The following HAT1 variants were observed in gnomAD, a reference collection of about 807,000 sequenced individuals.
The protein encoded by HAT1 is histone acetyltransferase type B catalytic subunit.
A neutral mutation model predicts 56.6 loss-of-function variants in HAT1; 20 were observed. The ratio of observed to expected loss-of-function variants is 0.35; its 90% confidence interval spans 0.25 to 0.51. The LOEUF (loss-of-function observed/expected upper bound fraction) is 0.51. Ranked by LOEUF, HAT1 falls within the 20% of genes least tolerant of loss-of-function variation. The pLI is 0.95. For missense variants in HAT1, 408 were observed against 504.3 expected (o/e 0.81, Z 1.83); for synonymous variants, 146 against 165.5 (o/e 0.88, Z 0.91).
chr2:171,927,025 T>G (rs1686616401), intron 2 of HAT1, among the ~76,000 whole-genome samples: 1 of 152,190 alleles, frequency 6.6e-6, no homozygotes, highest in Admixed American at 6.5e-5. Flanking sequence ...TTGTGCTAAG[T>G]GAAAGAAACT....
intron 2 of HAT1, among the ~76,000 whole-genome samples, chr2:171,926,721 G>A (rs1310825560): frequency 2.6e-5 from 4 of 152,184 alleles, no homozygotes; most frequent in Non-Finnish European, 5.9e-5. Context: ...GAGCCACAGC[G>A]CCCCTCCTGG....
At chr2:171,970,095 G>C (rs558351484) in intron 8 of HAT1, among the ~76,000 whole-genome samples, 2 of 152,242 alleles carry the variant, frequency 1.3e-5, no homozygotes, top group East Asian at 3.9e-4. Flanking sequence ...AGGAGGTCAA[G>C]GCTGCAGTGA....
chr2:171,964,236 C>T (rs1362505670), intron 4 of HAT1, among the ~76,000 whole-genome samples: 1 of 152,160 alleles, frequency 6.6e-6, no homozygotes, highest in Non-Finnish European at 1.5e-5. Flanking sequence ...TGCTAAGTAG[C>T]AAGGGTCTTG....
At chr2:171,948,261 G>A (rs1352825721) in intron 3 of HAT1, among the ~76,000 whole-genome samples, 2 of 152,148 alleles carry the variant, frequency 1.3e-5, no homozygotes, top group Non-Finnish European at 2.9e-5. Flanking sequence ...GTCTCGCGTT[G>A]TTGCCCAGGC....
intron 3 of HAT1, among the ~76,000 whole-genome samples, chr2:171,949,369 T>G (rs1687247757): frequency 6.6e-6 from 1 of 151,990 alleles, no homozygotes; most frequent in African/African-American, 2.4e-5. Context: ...TGTACCACCA[T>G]ACCCAGCTAA....
At chr2:171,954,002 T>A (rs1340291681) in intron 4 of HAT1, among the ~76,000 whole-genome samples, 2 of 151,720 alleles carry the variant, frequency 1.3e-5, no homozygotes, top group African/African-American at 4.8e-5. Flanking sequence ...CAAAAAAAAA[T>A]TAATTAATTA....
chr2:171,963,997 A>G (rs1687632151), intron 4 of HAT1, among the ~76,000 whole-genome samples: 1 of 152,192 alleles, frequency 6.6e-6, no homozygotes, highest in Non-Finnish European at 1.5e-5. Flanking sequence ...CAAATTATAT[A>G]TAAATGTTGG....
At chr2:171,938,024 T>TTC (rs374402453) in intron 2 of HAT1, among the ~76,000 whole-genome samples, 6,569 of 104,580 alleles carry the variant, frequency 0.063, 278 homozygotes, top group East Asian at 0.1. Context: ...TGTCTACTGA[T>TTC]TCTCTCTCTC....
intron 8 of HAT1, among the ~76,000 whole-genome samples, chr2:171,973,708 G>A (rs1026295612): frequency 1.3e-5 from 2 of 152,146 alleles, no homozygotes; most frequent in African/African-American, 2.4e-5. Flanking sequence ...GATGTAGGTC[G>A]AATCTAACTA....
chr2:171,929,152 T>A (rs1574032603), intron 2 of HAT1, among the ~76,000 whole-genome samples: 1 of 152,326 alleles, frequency 6.6e-6, no homozygotes, highest in East Asian at 1.9e-4. Flanking sequence ...TAGTATTTCT[T>A]TGTTAATAGT....
At chr2:171,928,505 A>AT (rs34066395) in intron 2 of HAT1, among the ~76,000 whole-genome samples, 6 of 151,572 alleles carry the variant, frequency 4.0e-5, no homozygotes, top group African/African-American at 1.2e-4. Flanking sequence ...TTCATTCCCC[A>AT]TTTTTTTTGT....
Position 171,976,148 on chromosome 2 carries a change from T to C in HAT1, c.824-9T>C, listed in dbSNP as rs201970649. On this transcript the variant is annotated splice_polypyrimidine_tract_variant and intron_variant, in intron 8 of 10. Transcript: ENST00000264108. The stretch of plus-strand genomic sequence containing the variant: ...GAAATGTTAATATTATTCTGCTTTA[T>C]TTATTTAGCGGAAGATCCATCCAAA... 4 of 1,452,084 alleles carry C rather than the reference T, an allele frequency of 2.8e-6. No homozygotes were observed. Among genetic ancestry groups the C allele is most frequent in the Middle Eastern group, 1.8e-4 (1 of 5,662 alleles). The allele number at this position is 1,452,084 out of a possible 1,614,324, so 89.9% of individuals were successfully genotyped here.
At chr2:171,928,497 C>T (rs9784070) in intron 2 of HAT1, among the ~76,000 whole-genome samples, 42,741 of 151,836 alleles carry the variant, frequency 0.28, 6,174 homozygotes, top group Non-Finnish European at 0.31. Flanking sequence ...ACCAGTAGTT[C>T]ATTCCCCATT....
chr2:171,939,853 G>A (rs539296581), intron 2 of HAT1, among the ~76,000 whole-genome samples: 1 of 150,984 alleles, frequency 6.6e-6, no homozygotes, highest in Non-Finnish European at 1.5e-5. Flanking sequence ...CTGCTGTGGC[G>A]CAGTCATGGC....
intron 4 of HAT1, among the ~76,000 whole-genome samples, chr2:171,954,193 A>G (rs1289873360): frequency 6.6e-6 from 1 of 152,120 alleles, no homozygotes; most frequent in Admixed American, 6.5e-5. Flanking sequence ...GTTATTTCCT[A>G]TAAGTCAAAG....
intron 3 of HAT1, among the ~76,000 whole-genome samples, chr2:171,948,948 GT>G (rs1375701404): frequency 6.6e-6 from 1 of 152,104 alleles, no homozygotes; most frequent in African/African-American, 2.4e-5. Context: ...TATAAAGTTA[GT>G]GTTTTTTCCT....
intron 1 of HAT1, chr2:171,925,033 A>AAAGTGATTTC (rs1686549535): frequency 6.6e-6 from 1 of 152,050 alleles, no homozygotes; most frequent in Admixed American, 6.6e-5. Context: ...CTGTATCTCA[A>AAAGTGATTTC]AAGTGATTTC....
At chr2:171,924,150 A>G (rs545416863) in intron 1 of HAT1, 1 of 150,758 alleles carries the variant, frequency 6.6e-6, no homozygotes, top group South Asian at 2.1e-4. Flanking sequence ...AGTTTATAGC[A>G]CATCATTGTA....
At chr2:171,926,450 C>G (rs1048105544) in intron 2 of HAT1, among the ~76,000 whole-genome samples, 2 of 152,162 alleles carry the variant, frequency 1.3e-5, no homozygotes, top group Non-Finnish European at 2.9e-5. Flanking sequence ...TGCGCCACCA[C>G]GCCCGGCTAA....
Sources: allele counts gnomAD v4.1 joint callset (sites outside exome capture counted in the v4.1 genomes callset), GRCh38; gene constraint gnomAD v4.1.1; transcripts MANE v1.5; gene names NCBI Gene and HGNC (gene_info 2026-07-23, HGNC 2026-07-21).